The following MCC variants were observed in gnomAD, a reference collection of about 807,000 sequenced individuals.
MCC encodes MCC regulator of Wnt signaling pathway, also known as colorectal mutant cancer protein.
In MCC, 90 loss-of-function variants were observed where a neutral mutation model predicts 116.2. The observed-to-expected ratio is 0.77, with a 90% confidence interval of 0.65 to 0.92. The LOEUF is 0.92. Among genes scored for constraint, MCC ranks in the 40% least tolerant of loss-of-function variants. The pLI, the probability that MCC is intolerant of heterozygous loss-of-function variation, is 0.00. For missense variants in MCC, 1,516 were observed against 1,312.2 expected (o/e 1.16, Z -2.40); for synonymous variants, 578 against 510.5 (o/e 1.13, Z -1.78).
chr5:113,083,678 C>T (rs56783601), intron 10 of MCC, among the ~76,000 whole-genome samples: 12,531 of 152,146 alleles, frequency 0.082, 1,125 homozygotes, highest in African/African-American at 0.23. Context: ...TCTTTCCCAC[C>T]ACTGGGCTAG....
chr5:113,029,384 G>A (rs974838855), intron 17 of MCC, among the ~76,000 whole-genome samples: 2 of 150,078 alleles, frequency 1.3e-5, no homozygotes, highest in Non-Finnish European at 3.0e-5. Context: ...TCAGCAATGA[G>A]TGCGGCCTGA....
At chr5:113,052,858 T>C (rs1211255713) in intron 15 of MCC, among the ~76,000 whole-genome samples, 2 of 152,170 alleles carry the variant, frequency 1.3e-5, no homozygotes, top group African/African-American at 2.4e-5. Flanking sequence ...CCAGCCCACA[T>C]TCTGAAGCTG....
intron 8 of MCC, among the ~76,000 whole-genome samples, chr5:113,087,218 A>G (rs942972005): frequency 1.3e-5 from 2 of 152,234 alleles, no homozygotes. Flanking sequence ...TGAAATTTCA[A>G]TAATTCATCA....
At chr5:113,056,839 G>A (rs1201497716) in intron 14 of MCC, among the ~76,000 whole-genome samples, 1 of 152,104 alleles carries the variant, frequency 6.6e-6, no homozygotes, top group East Asian at 1.9e-4. Flanking sequence ...GCCTACTATG[G>A]GGTCCTGGAA....
intron 5 of MCC, among the ~76,000 whole-genome samples, chr5:113,126,546 T>C (rs1758062782): frequency 6.6e-6 from 1 of 152,174 alleles, no homozygotes; most frequent in African/African-American, 2.4e-5. Context: ...TTGTGACAAC[T>C]TGAAAAAAAC....
intron 2 of MCC, among the ~76,000 whole-genome samples, chr5:113,342,456 A>G (rs891101128): frequency 1.3e-5 from 2 of 152,244 alleles, no homozygotes; most frequent in African/African-American, 4.8e-5. Flanking sequence ...TGATTAGAGC[A>G]GCTAGTATTA....
At chr5:113,378,768 T>A (rs76030423) in intron 2 of MCC, among the ~76,000 whole-genome samples, 6,039 of 152,282 alleles carry the variant, frequency 0.04, 399 homozygotes, top group African/African-American at 0.14. Context: ...GGAATCCATG[T>A]GTAAGGTTTA....
At chr5:113,087,615 C>A (rs950327581) in intron 8 of MCC, among the ~76,000 whole-genome samples, 6 of 152,098 alleles carry the variant, frequency 3.9e-5, no homozygotes, top group African/African-American at 1.4e-4. Context: ...CCGGTGAATT[C>A]AACCTCCCGG....
rs1767384532 is a variant in MCC at position 113,320,217 on chromosome 5, AG to A, written c.627+20301del. Reference sequence around the variant, plus strand: ...TTTATAGCATGTACTCTGTCTGCCCAGAAAAAACCCACATTCATGCATTCAA... The same window carrying A: ...TTTATAGCATGTACTCTGTCTGCCCAAAAAAACCCACATTCATGCATTCAA... On this transcript the variant is annotated intron_variant, in intron 3 of 18. Coordinates refer to ENST00000408903, the MANE Select transcript of MCC (RefSeq NM_001085377.2). 5.3e-5 allele frequency among the ~76,000 whole-genome samples: 8 copies of A among 152,314 alleles called. 1 individual carries two copies. The South Asian group carries it at 1.7e-3, about 32-fold the overall frequency.
intron 3 of MCC, among the ~76,000 whole-genome samples, chr5:113,335,810 G>A (rs1767855322): frequency 6.6e-6 from 1 of 151,666 alleles, no homozygotes; most frequent in South Asian, 2.1e-4. Flanking sequence ...GTATGGTTCT[G>A]TATGGCCATG....
At chr5:113,404,319 G>C (rs1344592084) in intron 1 of MCC, among the ~76,000 whole-genome samples, 2 of 152,160 alleles carry the variant, frequency 1.3e-5, no homozygotes, top group Non-Finnish European at 2.9e-5. Flanking sequence ...AACACATAGA[G>C]AAATAAGTCT....
intron 1 of MCC, among the ~76,000 whole-genome samples, chr5:113,445,730 C>A (rs980639002): frequency 6.6e-6 from 1 of 152,034 alleles, no homozygotes. Flanking sequence ...TTGTTTTTCA[C>A]AGAATTAGAA....
At chr5:113,212,522 T>C (rs1430370647) in intron 3 of MCC, among the ~76,000 whole-genome samples, 1 of 152,180 alleles carries the variant, frequency 6.6e-6, no homozygotes, top group Non-Finnish European at 1.5e-5. Flanking sequence ...AATGTTAACA[T>C]TCTTGGTTGT....
chr5:113,486,187 A>T (rs149081542), intron 1 of MCC, among the ~76,000 whole-genome samples: 6 of 152,360 alleles, frequency 3.9e-5, no homozygotes, highest in Non-Finnish European at 8.8e-5. Context: ...CTGCCACAGC[A>T]TAATTTTCAG....
intron 4 of MCC, among the ~76,000 whole-genome samples, chr5:113,145,558 G>A (rs533223974): frequency 6.6e-6 from 1 of 152,236 alleles, no homozygotes; most frequent in African/African-American, 2.4e-5. Flanking sequence ...CAATGAAGAT[G>A]TTCAAGGGTT....
intron 8 of MCC, 116 bp from the exon 9 acceptor site, chr5:113,085,426 GC>G: frequency 9.5e-7 from 1 of 1,047,832 alleles, no homozygotes; most frequent in Non-Finnish European, 1.4e-6. Flanking sequence ...CCACTGAAAA[GC>G]TAGGTTGGTT....
At chr5:113,045,477 G>A (rs936473218) in intron 16 of MCC, among the ~76,000 whole-genome samples, 1 of 152,108 alleles carries the variant, frequency 6.6e-6, no homozygotes, top group African/African-American at 2.4e-5. Context: ...GAAATTATAT[G>A]AAATTTAAAT....
chr5:113,046,444 G>A (rs1247317681), intron 16 of MCC, among the ~76,000 whole-genome samples: 2 of 151,802 alleles, frequency 1.3e-5, no homozygotes, highest in African/African-American at 2.4e-5. Flanking sequence ...CACCCGCCTC[G>A]GGTTCCCAAA....
intron 1 of MCC, among the ~76,000 whole-genome samples, chr5:113,416,720 A>G (rs1468008152): frequency 2.0e-5 from 3 of 152,044 alleles, no homozygotes; most frequent in African/African-American, 7.2e-5. Flanking sequence ...AGAGAAATAT[A>G]CTTTCCATTT....
Sources: gnomAD v4.1 joint callset for allele counts (sites outside exome capture counted in the v4.1 genomes callset) on GRCh38, gnomAD v4.1.1 for gene constraint, MANE v1.5 for transcripts, NCBI Gene and HGNC (gene_info 2026-07-23, HGNC 2026-07-21) for gene names.